Variants in TRERF1 observed in about 807,000 individuals in gnomAD.
The protein encoded by TRERF1 is transcriptional regulating factor 1, also known as transcriptional-regulating factor 1.
A neutral mutation model predicts 122.9 loss-of-function variants in TRERF1; 27 were observed. That is an observed-to-expected ratio of 0.22 (90% CI 0.16 to 0.30). The LOEUF (loss-of-function observed/expected upper bound fraction) is 0.30. TRERF1 is among the 10% of genes least tolerant of loss of function. The pLI is 1.00. For synonymous variants in TRERF1, 636 were observed against 641.7 expected, an observed-to-expected ratio of 0.99 and a Z score of 0.13; for missense variants, 1,248 against 1,560.3, an observed-to-expected ratio of 0.80 and a Z score of 3.37.
intron 13 of TRERF1, among the ~76,000 whole-genome samples, chr6:42,251,881 A>C (rs940935922): frequency 1.3e-5 from 2 of 152,224 alleles, no homozygotes; most frequent in African/African-American, 4.8e-5. Context: ...AAGCCAGGTC[A>C]GTTCTAACAC....
chr6:42,282,639 C>T (rs187872936), intron 4 of TRERF1, among the ~76,000 whole-genome samples: 80 of 152,228 alleles, frequency 5.3e-4, no homozygotes, highest in African/African-American at 1.9e-3. Context: ...GGAAAGACGT[C>T]CAAGGTTAAG....
intron 5 of TRERF1, 36 bp from the exon 6 acceptor site, chr6:42,265,833 A>G: frequency 6.2e-7 from 1 of 1,608,210 alleles, no homozygotes; most frequent in Non-Finnish European, 8.5e-7. Flanking sequence ...GAAAAAAAGA[A>G]GAGAAAAAAA....
At chr6:42,413,884 G>A (rs1002006653) in intron 2 of TRERF1, among the ~76,000 whole-genome samples, 1 of 152,206 alleles carries the variant, frequency 6.6e-6, no homozygotes, top group African/African-American at 2.4e-5. Flanking sequence ...TAACAAGAAT[G>A]TGAGCAAATG....
rs144546854 is a variant in TRERF1, at chr6:42,299,557, CA to C, written c.-259+1080del. ...CCTCTCTCAATAATTGATAGATAAT[CA>C]GACAAAATCAGAAAAGAACATATTA... On this transcript the variant is annotated intron_variant, in intron 4 of 17. Transcript: ENST00000372922. 3.9e-3 allele frequency among the ~76,000 whole-genome samples: 590 copies of C among 152,276 alleles called. 4 individuals are homozygous for C. Among genetic ancestry groups the C allele is most frequent in the East Asian group, 0.031 (161 of 5,184 alleles).
rs1884314 is a variant in TRERF1, at chr6:42,273,063, G to A, written c.-258-3215C>T. Among the ~76,000 whole-genome samples the A allele has an allele frequency of 3.0e-3, 450 of 152,032 alleles. 1 individual carries two copies. The highest frequency in any genetic ancestry group is 9.5e-3 in the African/African-American group (393 of 41,442). ...TTGGAGAGCTCTTCCCCTCCTCCCC[G>A]CCACTGGGTATCCTTCAGATCTCAG... On this transcript the variant is annotated intron_variant, in intron 4 of 17. Coordinates refer to ENST00000372922, the Ensembl canonical transcript of TRERF1.
chr6:42,315,256 A>G (rs1471446632), intron 3 of TRERF1, among the ~76,000 whole-genome samples: 1 of 152,214 alleles, frequency 6.6e-6, no homozygotes, highest in Non-Finnish European at 1.5e-5. Flanking sequence ...AGATGCTGCT[A>G]AACATCTTAC....
intron 2 of TRERF1, among the ~76,000 whole-genome samples, chr6:42,406,534 C>T (rs1467799951): frequency 2.0e-5 from 3 of 152,184 alleles, no homozygotes; most frequent in African/African-American, 7.2e-5. Flanking sequence ...AGGTTGCAAT[C>T]GGGCTCCAAT....
At chr6:42,231,130 C>T (rs942564204) in intron 17 of TRERF1, among the ~76,000 whole-genome samples, 13 of 152,132 alleles carry the variant, frequency 8.5e-5, no homozygotes, top group African/African-American at 3.1e-4. Context: ...GTTTCAGTGA[C>T]GAGGGCCTCA....
At chr6:42,450,315 A>C (rs1256713000) in intron 2 of TRERF1, among the ~76,000 whole-genome samples, 3 of 152,154 alleles carry the variant, frequency 2.0e-5, no homozygotes, top group African/African-American at 7.2e-5. Flanking sequence ...GTGCACCTGG[A>C]CCGGTTTTCA....
chr6:42,257,137 C>T, intron 10 of TRERF1, 35 bp from the exon 11 acceptor site: 1 of 1,610,834 alleles, frequency 6.2e-7, no homozygotes. Context: ...ACAATGTGGT[C>T]TTCAATTTGA....
At chr6:42,279,909 T>G (rs1781993210) in intron 4 of TRERF1, among the ~76,000 whole-genome samples, 1 of 152,112 alleles carries the variant, frequency 6.6e-6, no homozygotes, top group African/African-American at 2.4e-5. Flanking sequence ...TCCCCTTTTT[T>G]TCTGGAAAAC....
chr6:42,347,346 G>C (rs1458900663), intron 3 of TRERF1, among the ~76,000 whole-genome samples: 1 of 152,176 alleles, frequency 6.6e-6, no homozygotes, highest in Non-Finnish European at 1.5e-5. Context: ...AAGTTTGTTA[G>C]GCAAGATTCA....
At chr6:42,320,762 G>A (rs994292769) in intron 3 of TRERF1, among the ~76,000 whole-genome samples, 15 of 152,194 alleles carry the variant, frequency 9.9e-5, no homozygotes, top group Middle Eastern at 3.4e-3. Context: ...CACCTGCCTC[G>A]GCCTCCCAAA....
rs148414354 is a variant in TRERF1, at chr6:42,287,303, A to G, written c.-259+13335T>C. 1.6e-3 allele frequency among the ~76,000 whole-genome samples: 250 copies of G among 152,026 alleles called. 1 individual carries two copies. The highest frequency in any genetic ancestry group is 2.3e-3 in the Non-Finnish European group (157 of 67,966). On this transcript the variant is annotated intron_variant, in intron 4 of 17. Coordinates refer to ENST00000372922, the Ensembl canonical transcript of TRERF1. Reference sequence around the variant, plus strand: ...AACTTAAAGTATAATAAAAAAAAAAAAAAGAAAAGGATGGGGAAGGGCAGG... The same window carrying G: ...AACTTAAAGTATAATAAAAAAAAAAGAAAGAAAAGGATGGGGAAGGGCAGG...
chr6:42,406,638 T>C (rs960456741), intron 2 of TRERF1, among the ~76,000 whole-genome samples: 4 of 152,212 alleles, frequency 2.6e-5, no homozygotes, highest in Non-Finnish European at 5.9e-5. Context: ...ATGCTGCCTC[T>C]CTCCGGCATC....
intron 3 of TRERF1, among the ~76,000 whole-genome samples, chr6:42,320,482 C>T (rs1186664466): frequency 1.3e-5 from 2 of 151,314 alleles, no homozygotes; most frequent in African/African-American, 4.9e-5. Flanking sequence ...TTGAACACAT[C>T]ACTACCAAAA....
In TRERF1 at chr6:42,268,296, C is replaced by A; in HGVS notation, c.1295G>T (p.Gly432Val). ...ATCTGAGCTCGCTGGGTCTCCCATTCCTGTGTCAGGAGGCCCCAGGTCCCC... is the reference window on the plus strand; with the variant it reads ...ATCTGAGCTCGCTGGGTCTCCCATTACTGTGTCAGGAGGCCCCAGGTCCCC... The change falls in exon 5 of 18, where the codon GGA (glycine) becomes GTA (valine). Residue 432 changes from glycine (G) to valine (V), a missense_variant. By Grantham distance (109) the Gly-to-Val change is moderately radical. Around this residue, in one of 5 missense-constraint regions of TRERF1, gnomAD observed 946 missense variants for 1,073.0 expected, o/e 0.88. Coordinates refer to ENST00000372922, the Ensembl canonical transcript of TRERF1. This position sits in a 1 kb window ranked among gnomAD's most constrained non-coding sequence, Gnocchi z 4.4. 3 of 1,513,838 alleles carry A rather than the reference C, an allele frequency of 2.0e-6. No individual in the cohort carries two copies. The highest frequency in any genetic ancestry group is 2.6e-6 in the Non-Finnish European group (3 of 1,132,278). 93.8% of individuals were successfully genotyped at this position (1,513,838 alleles called of 1,614,324 possible).
intron 4 of TRERF1, among the ~76,000 whole-genome samples, chr6:42,299,764 A>G (rs944294804): frequency 2.0e-5 from 3 of 152,236 alleles, no homozygotes; most frequent in African/African-American, 7.2e-5. Flanking sequence ...TTCAAACTCT[A>G]AGGATCTAAA....
intron 14 of TRERF1, among the ~76,000 whole-genome samples, chr6:42,243,879 C>CTTTTT (rs34858601): frequency 3.5e-4 from 43 of 123,352 alleles, no homozygotes; most frequent in Non-Finnish European, 4.8e-4. Flanking sequence ...TGCGCCCAGC[C>CTTTTT]TTTTTTTTTT....
Sources: gnomAD v4.1 joint callset for allele counts (sites outside exome capture counted in the v4.1 genomes callset) on GRCh38, gnomAD v4.1.1 for gene constraint, gnomAD v4.1.1 regional missense constraint, Gnocchi (gnomAD v3.1) non-coding constraint, MANE v1.5 for transcripts, NCBI Gene and HGNC (gene_info 2026-07-23, HGNC 2026-07-21) for gene names.